CEP290: variants seen among roughly 807,000 people sequenced by gnomAD.
CEP290 encodes centrosomal protein 290, also known as centrosomal protein of 290 kDa.
CEP290 carries 317 observed loss-of-function variants against 344.9 expected under a neutral mutation model. The ratio of observed to expected loss-of-function variants is 0.92; its 90% confidence interval spans 0.84 to 1.01. The LOEUF is 1.01. Ranked by LOEUF, CEP290 falls within the 50% of genes least tolerant of loss-of-function variation. The pLI is 0.00. For synonymous variants in CEP290, 932 were observed against 895.8 expected (o/e 1.04, Z -0.72); for missense variants, 2,754 against 2,761.4 (o/e 1.00, Z 0.06).
chr12:88,076,090 T>C (rs1479519358), intron 41 of CEP290, among the ~76,000 whole-genome samples: 1 of 152,204 alleles, frequency 6.6e-6, no homozygotes, highest in Non-Finnish European at 1.5e-5. Context: ...GGAACAAACA[T>C]ACCAGTTTCT....
chr12:88,096,033 T>C (rs1236279534), intron 27 of CEP290, among the ~76,000 whole-genome samples: 2 of 136,632 alleles, frequency 1.5e-5, no homozygotes, highest in African/African-American at 2.6e-5. Context: ...TATTTATAAG[T>C]ATGATGAATA....
At chr12:88,117,475 TAATA>T (rs2039123487) in intron 17 of CEP290, among the ~76,000 whole-genome samples, 1 of 152,192 alleles carries the variant, frequency 6.6e-6, no homozygotes, top group Non-Finnish European at 1.5e-5. Flanking sequence ...ATTATTGTAC[TAATA>T]AATCATGAAG....
At chr12:88,069,200 T>C (rs1210421636) in intron 43 of CEP290, among the ~76,000 whole-genome samples, 2 of 152,142 alleles carry the variant, frequency 1.3e-5, no homozygotes, top group Admixed American at 6.5e-5. Flanking sequence ...CTCTTACCCA[T>C]ACATGAAACA....
chr12:88,131,121 A>ATAAGTACC (rs2138112383), intron 7 of CEP290, 44 bp downstream of exon 7: 2 of 1,415,442 alleles, frequency 1.4e-6, no homozygotes, highest in Non-Finnish European at 1.9e-6. Context: ...ACTTATTTTA[A>ATAAGTACC]TAAGTACCTT....
At chr12:88,136,334 T>G in intron 6 of CEP290, 1 of 285,120 alleles carries the variant, frequency 3.5e-6, no homozygotes, top group South Asian at 4.6e-5. Context: ...CACTTCTTTA[T>G]GAAAATCTAT....
intron 39 of CEP290, among the ~76,000 whole-genome samples, chr12:88,078,821 A>C (rs2035974932): frequency 6.6e-6 from 1 of 152,156 alleles, no homozygotes; most frequent in South Asian, 2.1e-4. Context: ...GTCTTAAAAA[A>C]AATCCTAAGT....
In CEP290 at chr12:88,050,277, GTAGT is replaced by G. The variant is rs200320179; in HGVS notation, c.7209+73_7209+76del. ...GTTATTACTGAATTTTTTAGGATAC[GTAGT>G]TAAAGATGGTAATGAAAATAGTTTT... On this transcript the variant is annotated intron_variant, in intron 53 of 53. Coordinates refer to ENST00000552810, the MANE Select transcript of CEP290 (RefSeq NM_025114.4). The G allele has an allele frequency of 3.4e-3, 2,413 of 700,944 alleles. 105 individuals are homozygous for G. The Admixed American group carries it at 0.061, about 18-fold the overall frequency. The allele number at this position is 700,944 out of a possible 1,614,324, so 43.4% of individuals were successfully genotyped here. A position where few individuals can be genotyped will look rare whatever the true frequency, so the allele number is the denominator to read the frequency against.
At chr12:88,106,109 T>C (rs1216156706) in intron 25 of CEP290, among the ~76,000 whole-genome samples, 1 of 152,154 alleles carries the variant, frequency 6.6e-6, no homozygotes, top group African/African-American at 2.4e-5. Context: ...AACAACCAGA[T>C]ACTCTTGAAG....
chr12:88,090,905 A>G, intron 29 of CEP290, 66 bp from the exon 30 acceptor site: 1 of 923,394 alleles, frequency 1.1e-6, no homozygotes, highest in East Asian at 2.8e-5. Context: ...CAAAATTCAA[A>G]ATTTCTAGAC....
intron 34 of CEP290, 126 bp downstream of exon 34, chr12:88,085,913 G>A: frequency 2.3e-6 from 2 of 871,224 alleles, no homozygotes; most frequent in Non-Finnish European, 3.4e-6. Context: ...TAGGAGAATA[G>A]AAAAATAGTG....
rs7973969 is a variant in CEP290 at position 88,077,204 on chromosome 12, G to T, written c.5709+18C>A. 8.9e-3 allele frequency: 14,275 copies of T among 1,597,158 alleles called. 1,174 individuals are homozygous for T. The African/African-American group carries it at 0.17, about 19-fold the overall frequency. On this transcript the variant is annotated intron_variant, in intron 41 of 53. Transcript: ENST00000552810. ...GTCACTACCTTAAGCATATAAGTCA[G>T]TATGTTTCTTCACATACCTTTTCTT...
Position 88,068,645 on chromosome 12 carries a change from C to T in CEP290, c.6012G>A (p.Arg2004=), listed in dbSNP as rs2136913860. The change falls in exon 44 of 54, where the codon AGG becomes AGA. Residue 2004 remains arginine, a splice_region_variant and synonymous_variant. Coordinates refer to ENST00000552810, the MANE Select transcript of CEP290 (RefSeq NM_025114.4). ...AATCTCGAGGAAGAGCTTGGTGGGC[C>T]CTATGAACAACAATCACAGACTCTT... ...LDLENDILYM[R]AHQALPRDSV... 6.3e-7 allele frequency: 1 copy of T among 1,591,862 alleles called. No individual in the cohort carries two copies. Among genetic ancestry groups the T allele is most frequent in the Non-Finnish European group, 8.5e-7 (1 of 1,172,622 alleles).
chr12:88,131,349 T>C, intron 6 of CEP290, 131 bp from the exon 7 acceptor site: 2 of 568,776 alleles, frequency 3.5e-6, no homozygotes, highest in Non-Finnish European at 5.9e-6. Flanking sequence ...CTGCAACCTC[T>C]GCCTCCCGGT....
At chr12:88,120,042 A>G (rs2039307233) in intron 15 of CEP290, 72 bp downstream of exon 15, 2 of 972,074 alleles carry the variant, frequency 2.1e-6, no homozygotes, top group South Asian at 4.8e-5. Flanking sequence ...ATAATAATAA[A>G]CAAAATTTAA....
chr12:88,057,382 T>C (rs925409809), intron 49 of CEP290, among the ~76,000 whole-genome samples: 3 of 152,100 alleles, frequency 2.0e-5, no homozygotes, highest in Admixed American at 6.5e-5. Context: ...GTTGAATAAA[T>C]AGATTTCAGA....
At chr12:88,079,670 T>G (rs2036046888) in intron 38 of CEP290, among the ~76,000 whole-genome samples, 1 of 152,020 alleles carries the variant, frequency 6.6e-6, no homozygotes, top group Non-Finnish European at 1.5e-5. Flanking sequence ...CAGCATCTTC[T>G]AAAACAATTT....
intron 15 of CEP290, among the ~76,000 whole-genome samples, chr12:88,119,527 G>A (rs953568072): frequency 2.0e-5 from 3 of 152,072 alleles, no homozygotes; most frequent in South Asian, 4.1e-4. Context: ...GGCCAGGCGC[G>A]GTGGCTCATG....
intron 37 of CEP290, among the ~76,000 whole-genome samples, chr12:88,082,247 T>C (rs1415462084): frequency 1.3e-5 from 2 of 152,240 alleles, no homozygotes; most frequent in African/African-American, 2.4e-5. Context: ...TTAGAATCTC[T>C]ATTATATGAC....
chr12:88,060,242 G>A (rs2034364535), intron 47 of CEP290, among the ~76,000 whole-genome samples: 1 of 152,322 alleles, frequency 6.6e-6, no homozygotes, highest in Admixed American at 6.5e-5. Flanking sequence ...ACATATCTGT[G>A]TCAGGACCCA....
Sources: gnomAD v4.1 joint callset for allele counts (sites outside exome capture counted in the v4.1 genomes callset) on GRCh38, gnomAD v4.1.1 for gene constraint, MANE v1.5 for transcripts, NCBI Gene and HGNC (gene_info 2026-07-23, HGNC 2026-07-21) for gene names.